Variants in TMX1 observed in about 807,000 individuals in gnomAD.
TMX1 encodes thioredoxin related transmembrane protein 1, also known as thioredoxin-related transmembrane protein 1.
In TMX1, 25 loss-of-function variants were observed where a neutral mutation model predicts 36.6. The ratio of observed to expected loss-of-function variants is 0.68; its 90% CI spans 0.50 to 0.95. The LOEUF (loss-of-function observed/expected upper bound fraction) is 0.95. Among genes scored for constraint, TMX1 ranks in the 40% least tolerant of loss-of-function variants. TMX1 has a pLI of 0.00. For synonymous variants in TMX1, 133 were observed against 118.0 expected, an observed-to-expected ratio of 1.13 and a Z score of -0.82; for missense variants, 347 against 339.6, an observed-to-expected ratio of 1.02 and a Z score of -0.17.
At chr14:51,243,756 A>C in intron 1 of TMX1, 100 bp from the exon 2 acceptor site, 1 of 855,550 alleles carries the variant, frequency 1.2e-6, no homozygotes, top group Non-Finnish European at 1.7e-6. Context: ...TTTTCATATG[A>C]AATATTCTTC....
At chr14:51,249,298 G>A (rs1319969229) in intron 4 of TMX1, 28 bp from the exon 5 acceptor site, 1 of 1,574,338 alleles carries the variant, frequency 6.4e-7, no homozygotes, top group Admixed American at 1.9e-5. Context: ...ATGTTACTCA[G>A]TTTTTTAATC....
At chr14:51,251,982 C>T (rs1321615573) in intron 7 of TMX1, among the ~76,000 whole-genome samples, 2 of 152,092 alleles carry the variant, frequency 1.3e-5, no homozygotes, top group Non-Finnish European at 2.9e-5. Context: ...TAAAAGAATA[C>T]TGACTCTGAT....
intron 1 of TMX1, among the ~76,000 whole-genome samples, 180 bp downstream of exon 1, chr14:51,240,624 C>T (rs1275676659): frequency 1.3e-5 from 2 of 152,194 alleles, no homozygotes; most frequent in Non-Finnish European, 2.9e-5. Flanking sequence ...CCCACCCCCT[C>T]GTCTCTTACC....
At chr14:51,243,191 G>A (rs1269983471) in intron 1 of TMX1, among the ~76,000 whole-genome samples, 4 of 151,964 alleles carry the variant, frequency 2.6e-5, no homozygotes, top group African/African-American at 7.3e-5. Flanking sequence ...TACCAGAGGA[G>A]TAATTTAAAT....
chr14:51,248,663 T>G (rs2065797610), intron 4 of TMX1, among the ~76,000 whole-genome samples: 1 of 152,236 alleles, frequency 6.6e-6, no homozygotes. Flanking sequence ...AAGAAAGTAG[T>G]TGCTTGTAAG....
chr14:51,248,836 G>A (rs2065798385), intron 4 of TMX1, among the ~76,000 whole-genome samples: 1 of 152,176 alleles, frequency 6.6e-6, no homozygotes, highest in Admixed American at 6.5e-5. Context: ...ATTAAAAGAT[G>A]TCAAACTAAT....
In TMX1 at chr14:51,254,597, CTG is replaced by C; in HGVS notation, c.*81_*82del. The C allele has an allele frequency of 7.4e-7, 1 of 1,355,720 alleles. No individual in the cohort carries two copies. 84.0% of individuals were successfully genotyped at this position (1,355,720 alleles called of 1,614,324 possible). On this transcript the variant is annotated 3_prime_UTR_variant, in exon 8 of 8. Coordinates refer to ENST00000457354, the MANE Select transcript of TMX1 (RefSeq NM_030755.5). ...ATCATTTTGTTTGGTTTGAAGTGAA[CTG>C]TGACTTTTTTGAATATTGCAGGGTT...
chr14:51,250,966 A>G (rs1463504858), intron 7 of TMX1, among the ~76,000 whole-genome samples: 1 of 152,232 alleles, frequency 6.6e-6, no homozygotes, highest in East Asian at 1.9e-4. Flanking sequence ...TTTTATCCAA[A>G]AAGGGCCACT....
intron 7 of TMX1, 84 bp downstream of exon 7, chr14:51,249,849 C>A: frequency 9.3e-7 from 1 of 1,070,052 alleles, no homozygotes; most frequent in Non-Finnish European, 1.3e-6. Context: ...TCACAGGTTG[C>A]TCTTCCAGCT....
At position 51,254,352 on chromosome 14, in the gene TMX1, T is replaced by A. The variant is rs767419297; in HGVS notation, c.676T>A (p.Ser226Thr). 1 of 1,586,904 alleles carries A rather than the reference T, an allele frequency of 6.3e-7. No homozygotes were observed. The highest frequency in any genetic ancestry group is 1.2e-5 in the South Asian group (1 of 85,702). ...TCTTTGTCTTTAAGAAAAATTATTA[T>A]CAGAATCTGCACAACCTTTGAAAAA... Reference protein sequence around the residue: ...PYPYPSKKLLSESAQPLKKVE... With the variant: ...PYPYPSKKLLTESAQPLKKVE... Residue 226 changes from serine to threonine, a missense_variant, in exon 8 of 8, where the codon TCA becomes ACA. By Grantham distance (58) the Ser-to-Thr change is moderately conservative (BLOSUM62 1). Coordinates refer to ENST00000457354, the MANE Select transcript of TMX1 (RefSeq NM_030755.5).
chr14:51,245,774 G>A (rs1307606678), intron 3 of TMX1: 2 of 314,388 alleles, frequency 6.4e-6, no homozygotes, highest in African/African-American at 4.3e-5. Context: ...GCATTTTATT[G>A]TGAGGACAAT....
chr14:51,247,335 C>T, intron 4 of TMX1, 115 bp downstream of exon 4: 2 of 661,814 alleles, frequency 3.0e-6, no homozygotes, highest in Non-Finnish European at 4.4e-6. Flanking sequence ...GGTATATCCA[C>T]ATTTATTACA....
chr14:51,249,800 C>T lies in TMX1; in HGVS notation c.664+35C>T, dbSNP rs76858886. 14,534 of 1,470,284 alleles carry T rather than the reference C, an allele frequency of 9.9e-3. 145 individuals carry two copies. Among genetic ancestry groups the T allele is most frequent in the African/African-American group, 0.052 (3,658 of 70,810 alleles). 91.1% of individuals were successfully genotyped at this position (1,470,284 alleles called of 1,614,324 possible). A position where few individuals can be genotyped will look rare whatever the true frequency, so the allele number is the denominator to read the frequency against. On this transcript the variant is annotated intron_variant, in intron 7 of 7. Transcript: ENST00000457354. ...TTTTAAAATGTTTATTTTTTATTCA[C>T]GATAGTCCTATTCATTTCTGTAATC...
chr14:51,243,825 C>CTA (rs1555359876), intron 1 of TMX1, 31 bp from the exon 2 acceptor site: 3 of 1,524,232 alleles, frequency 2.0e-6, no homozygotes. Context: ...AAGTGCTTAA[C>CTA]TTTTTTTAAA....
At chr14:51,253,821 T>A (rs1223238887) in intron 7 of TMX1, 1 of 152,342 alleles carries the variant, frequency 6.6e-6, no homozygotes, top group African/African-American at 2.4e-5. Flanking sequence ...AACCTTCAAC[T>A]GTAAATGTGT....
At position 51,251,000 on chromosome 14, in the gene TMX1, C is replaced by T. The variant is rs566486097; in HGVS notation, c.664+1235C>T. Among the ~76,000 whole-genome samples the T allele has an allele frequency of 7.2e-5, 11 of 152,222 alleles. No homozygotes were observed. In the South Asian group the frequency reaches 2.1e-3, roughly 29 times the overall value. Reference sequence around the variant, plus strand: ...CTGATGTCTAGGAAAAAAACGTAAGCACAGATTACTTAAAAGACAAATGTA... The same window carrying T: ...CTGATGTCTAGGAAAAAAACGTAAGTACAGATTACTTAAAAGACAAATGTA... On this transcript the variant is annotated intron_variant, in intron 7 of 7. Transcript: ENST00000457354.
At chr14:51,250,592 T>C (rs1334363262) in intron 7 of TMX1, among the ~76,000 whole-genome samples, 1 of 152,156 alleles carries the variant, frequency 6.6e-6, no homozygotes, top group Non-Finnish European at 1.5e-5. Context: ...TCCGGGTTCA[T>C]GCTATTCTCC....
rs575665950 is a variant in TMX1 at position 51,252,872 on chromosome 14, A to G, written c.665-1469A>G. 2.6e-5 allele frequency among the ~76,000 whole-genome samples: 4 copies of G among 152,270 alleles called. No homozygotes were observed. In the South Asian group the frequency reaches 8.3e-4, roughly 32 times the overall value. On this transcript the variant is annotated intron_variant, in intron 7 of 7. Transcript: ENST00000457354. ...GTTGTTAAGATGCTGTTTCTGAGTTACTCAGTTCTCCACACCTTGACTTGT... is the reference window on the plus strand; with the variant it reads ...GTTGTTAAGATGCTGTTTCTGAGTTGCTCAGTTCTCCACACCTTGACTTGT...
rs1566708205 is a variant in TMX1 at position 51,240,335 on chromosome 14, G to A, written c.43G>A (p.Val15Met). 6.2e-7 allele frequency: 1 copy of A among 1,613,786 alleles called. No homozygotes were observed. The highest frequency in any genetic ancestry group is 2.2e-5 in the East Asian group (1 of 44,890). The part of the protein sequence containing the change: ...GSLAVPLAVL[V>M]LLLWGAPWTH... ...TCTTGCAGTTCCCCTGGCAGTCCTG[G>A]TGCTGTTGCTTTGGGGTGCTCCCTG... Residue 15 changes from valine (V) to methionine (M), a missense_variant, in exon 1 of 8, where the codon GTG becomes ATG. Coordinates refer to ENST00000457354, the MANE Select transcript of TMX1 (RefSeq NM_030755.5).
Sources: allele counts gnomAD v4.1 joint callset (sites outside exome capture counted in the v4.1 genomes callset), GRCh38; gene constraint gnomAD v4.1.1; transcripts MANE v1.5; gene names NCBI Gene and HGNC (gene_info 2026-07-23, HGNC 2026-07-21).